The following TPRA1 variants were observed in gnomAD, a reference collection of about 807,000 sequenced individuals.
TPRA1 encodes transmembrane protein adipocyte-associated 1.
Under a neutral mutation model 40.1 loss-of-function variants are expected in TPRA1, and 28 were observed. That is an observed-to-expected ratio of 0.70 (90% CI 0.52 to 0.96). The LOEUF is 0.96. Among genes scored for constraint, TPRA1 ranks in the 40% least tolerant of loss-of-function variants. The pLI, the probability that TPRA1 is intolerant of heterozygous loss-of-function variation, is 0.00. For missense variants in TPRA1, 441 were observed against 482.6 expected, an observed-to-expected ratio of 0.91 and a Z score of 0.81; for synonymous variants, 219 against 209.7, an observed-to-expected ratio of 1.04 and a Z score of -0.38.
intron 10 of TPRA1, chr3:127,574,951 T>C (rs927160805): frequency 1.7e-6 from 1 of 578,160 alleles, no homozygotes; most frequent in African/African-American, 1.9e-5. Flanking sequence ...TGTGCATGCT[T>C]GTGCATCCGT....
In TPRA1 at chr3:127,572,250, C is replaced by T. The variant is rs938625606; in HGVS notation, c.*1271G>A. 6.6e-6 allele frequency among the ~76,000 whole-genome samples: 1 copy of T among 152,216 alleles called. No homozygotes were observed. The highest frequency in any genetic ancestry group is 2.4e-5 in the African/African-American group (1 of 41,458). ...CCCCCTAAAAAAAAAAGGCTGATCGCGGAGGCGGGCAACAGCCTGATCCTC... is the reference window on the plus strand; with the variant it reads ...CCCCCTAAAAAAAAAAGGCTGATCGTGGAGGCGGGCAACAGCCTGATCCTC... On this transcript the variant is annotated 3_prime_UTR_variant, in exon 11 of 11. Transcript: ENST00000355552.
intron 1 of TPRA1, among the ~76,000 whole-genome samples, chr3:127,582,882 G>A (rs977131411): frequency 6.6e-6 from 1 of 150,746 alleles, no homozygotes; most frequent in Admixed American, 6.6e-5. Flanking sequence ...GGTGGCTCAC[G>A]CCTGTAATCC....
At chr3:127,586,352 C>T (rs1412092711) in intron 1 of TPRA1, among the ~76,000 whole-genome samples, 1 of 152,094 alleles carries the variant, frequency 6.6e-6, no homozygotes, top group Non-Finnish European at 1.5e-5. Flanking sequence ...TTTATTTATT[C>T]ATATATTTTT....
chr3:127,575,031 T>A, intron 10 of TPRA1, 154 bp downstream of exon 10: 1 of 766,508 alleles, frequency 1.3e-6, no homozygotes, highest in Non-Finnish European at 2.1e-6. Flanking sequence ...TGCATGTGTA[T>A]CTGTATGTGT....
chr3:127,577,600 G>A (rs1439160076), intron 3 of TPRA1, among the ~76,000 whole-genome samples: 1 of 152,110 alleles, frequency 6.6e-6, no homozygotes, highest in African/African-American at 2.4e-5. Context: ...TGCGGGACCA[G>A]GCAAAAGGTC....
chr3:127,574,918 GTGTT>G (rs149752812), intron 10 of TPRA1: 8 of 529,390 alleles, frequency 1.5e-5, no homozygotes, highest in Admixed American at 3.5e-5. Context: ...CCGTATGTGC[GTGTT>G]TGTGTGTGCA....
At chr3:127,592,213 G>A (rs2074184931), upstream of TPRA1, among the ~76,000 whole-genome samples, 1 of 152,062 alleles carries the variant, frequency 6.6e-6, no homozygotes. Flanking sequence ...GCCTCCAGAG[G>A]GCAGGAAACT....
At chr3:127,574,546 T>G (rs749316553) in intron 10 of TPRA1, among the ~76,000 whole-genome samples, 4 of 152,224 alleles carry the variant, frequency 2.6e-5, no homozygotes, top group Non-Finnish European at 4.4e-5. Context: ...GCTCCCCACT[T>G]AAGTCTTCCC....
intron 10 of TPRA1, chr3:127,574,940 GTGTGCATGCT>G: frequency 1.8e-6 from 1 of 564,362 alleles, no homozygotes; most frequent in Non-Finnish European, 3.2e-6. Context: ...GCATGTGCAT[GTGTGCATGCT>G]TGTGCATCCG....
Position 127,576,799 on chromosome 3 carries a change from A to G in TPRA1, c.418+22T>C. 1.9e-6 allele frequency: 3 copies of G among 1,613,808 alleles called. No homozygotes were observed. In the South Asian group the frequency reaches 3.3e-5, roughly 18 times the overall value. ...GCAGGGGAGAGCATCGCCAGGGCCCAAGAGCCCAGCGGTACACACACCAAA... is the reference window on the plus strand; with the variant it reads ...GCAGGGGAGAGCATCGCCAGGGCCCGAGAGCCCAGCGGTACACACACCAAA... On this transcript the variant is annotated intron_variant, in intron 5 of 10. Coordinates refer to ENST00000355552, the MANE Select transcript of TPRA1 (RefSeq NM_001136053.4). This position sits in a 1 kb window ranked among gnomAD's most constrained non-coding sequence, Gnocchi z 4.6.
intron 10 of TPRA1, 28 bp from the exon 11 acceptor site, chr3:127,573,816 A>C: frequency 6.5e-7 from 1 of 1,530,014 alleles, no homozygotes; most frequent in East Asian, 2.3e-5. Flanking sequence ...GGGGCATGGA[A>C]GCCTCACTGA....
In TPRA1 at chr3:127,580,274, G is replaced by A. The variant is rs1576377903; in HGVS notation, c.-17-111C>T. The A allele has an allele frequency of 1.0e-5, 13 of 1,260,298 alleles. No homozygotes were observed. In the East Asian group the frequency reaches 2.6e-4, roughly 25 times the overall value. The allele number at this position is 1,260,298 out of a possible 1,614,324, so 78.1% of individuals were successfully genotyped here. A position where few individuals can be genotyped will look rare whatever the true frequency, so the allele number is the denominator to read the frequency against. ...CAGAGGGGCTGCACAGAGCACCCCT[G>A]TAAACCACCCTCCCCACCCACTGCA... On this transcript the variant is annotated intron_variant, in intron 1 of 10. Transcript: ENST00000355552.
intron 10 of TPRA1, among the ~76,000 whole-genome samples, chr3:127,574,348 TCC>T (rs879819551): frequency 2.0e-5 from 3 of 152,066 alleles, no homozygotes; most frequent in Non-Finnish European, 4.4e-5. Context: ...GCTGATCCCC[TCC>T]CCACAAGACC....
At chr3:127,588,100 G>A (rs1041487965) in intron 1 of TPRA1, 8 of 152,582 alleles carry the variant, frequency 5.2e-5, no homozygotes, top group Admixed American at 3.3e-4. Flanking sequence ...TCTGTCTCCA[G>A]AGCCCAGGCC....
intron 10 of TPRA1, among the ~76,000 whole-genome samples, chr3:127,574,524 C>T (rs566979716): frequency 1.3e-5 from 2 of 152,350 alleles, no homozygotes; most frequent in Admixed American, 6.5e-5. Context: ...ACTGACTTCC[C>T]ACCCCAAACC....
chr3:127,583,430 C>T (rs545076973), intron 1 of TPRA1, among the ~76,000 whole-genome samples: 4 of 151,786 alleles, frequency 2.6e-5, no homozygotes, highest in East Asian at 1.9e-4. Flanking sequence ...CCCAGGAGTT[C>T]GAGGCTGCAG....
At chr3:127,574,349 C>T (rs896572787) in intron 10 of TPRA1, among the ~76,000 whole-genome samples, 1 of 152,224 alleles carries the variant, frequency 6.6e-6, no homozygotes, top group Non-Finnish European at 1.5e-5. Context: ...CTGATCCCCT[C>T]CCCACAAGAC....
At chr3:127,588,115 G>A (rs1266222390) in intron 1 of TPRA1, 1 of 152,500 alleles carries the variant, frequency 6.6e-6, no homozygotes, top group Admixed American at 6.5e-5. Context: ...CAGGCCCCCA[G>A]TCAACAACTT....
Position 127,576,619 on chromosome 3 carries a change from G to T in TPRA1, c.496C>A (p.Gln166Lys). 1 of 1,603,622 alleles carries T rather than the reference G, an allele frequency of 6.2e-7. No individual in the cohort carries two copies. The highest frequency in any genetic ancestry group is 8.5e-7 in the Non-Finnish European group (1 of 1,175,104). ...CCTGCCCACACTCACCCTCTTACCT[G>T]GGTGACAGAGTAGGCCAGGGACAGC... ...TVLSLAYSVT[Q>K]GTLEILYPDA... The change falls in exon 6 of 11, where the codon CAG becomes AAG. Residue 166 changes from glutamine to lysine, a missense_variant and splice_region_variant. Coordinates refer to ENST00000355552, the MANE Select transcript of TPRA1 (RefSeq NM_001136053.4). The surrounding 1 kb of genome is among the most constrained non-coding windows in gnomAD (Gnocchi z 4.6).
Sources: gnomAD v4.1 joint callset for allele counts (sites outside exome capture counted in the v4.1 genomes callset) on GRCh38, gnomAD v4.1.1 for gene constraint, Gnocchi (gnomAD v3.1) non-coding constraint, MANE v1.5 for transcripts, NCBI Gene and HGNC (gene_info 2026-07-23, HGNC 2026-07-21) for gene names.